Variants in ADD3 observed in about 807,000 individuals in gnomAD.
ADD3 encodes gamma-adducin.
ADD3 carries 25 observed loss-of-function variants against 80.2 expected under a neutral mutation model. The observed-to-expected ratio is 0.31, with a 90% confidence interval of 0.23 to 0.44. The LOEUF (loss-of-function observed/expected upper bound fraction) is 0.44. ADD3 is among the 20% of genes least tolerant of loss of function. The probability of loss-of-function intolerance (pLI) is 1.00; values close to 1 mark genes in which losing one functional copy is unlikely to be tolerated. For missense variants in ADD3, 829 were observed against 847.5 expected, an observed-to-expected ratio of 0.98 and a Z score of 0.27; for synonymous variants, 284 against 289.6, an observed-to-expected ratio of 0.98 and a Z score of 0.20.
chr10:110,004,872 G>C (rs997797148), upstream of ADD3, among the ~76,000 whole-genome samples: 1 of 152,038 alleles, frequency 6.6e-6, no homozygotes, highest in African/African-American at 2.4e-5. Flanking sequence ...TTATAATGCA[G>C]ATTCTCAGGT....
chr10:110,119,234 C>T lies in ADD3; in HGVS notation c.741C>T (p.Ile247=), dbSNP rs1286966198. 1 of 1,614,126 alleles carries T rather than the reference C, an allele frequency of 6.2e-7. No homozygotes were observed. The highest frequency in any genetic ancestry group is 8.5e-7 in the Non-Finnish European group (1 of 1,179,996). Residue 247 remains isoleucine, a synonymous_variant, in exon 7 of 15, where the codon ATC becomes ATT. Transcript: ENST00000356080. ...TAAVSSMKCG[I]LPISQESLLL... is the part of the protein sequence containing the mutation. ...AGGTATCCTCCATGAAATGTGGGAT[C>T]CTTCCAATTTCTCAAGAGTCTCTTC...
At chr10:110,048,302 T>C (rs1857123292) in intron 1 of ADD3, among the ~76,000 whole-genome samples, 1 of 152,192 alleles carries the variant, frequency 6.6e-6, no homozygotes, top group South Asian at 2.1e-4. Context: ...GGGTATGTCT[T>C]TATCAGCAGC....
Position 110,135,379 on chromosome 10 carries a change from A to AT in ADD3, c.*1762dup, listed in dbSNP as rs1459904001. 1 of 152,676 alleles carries AT rather than the reference A, an allele frequency of 6.5e-6. No homozygotes were observed. Among genetic ancestry groups the AT allele is most frequent in the Non-Finnish European group, 1.5e-5 (1 of 68,052 alleles). The allele number at this position is 152,676 out of a possible 1,614,324, so 9.5% of individuals were successfully genotyped here. ...ATCTAAATGAATGCAATGTGCATAA[A>AT]TATTTTTTAAACATAACAGTGAACT... On this transcript the variant is annotated 3_prime_UTR_variant, in exon 15 of 15. Transcript: ENST00000356080.
At chr10:110,005,293 C>A (rs1851582473), upstream of ADD3, among the ~76,000 whole-genome samples, 1 of 151,148 alleles carries the variant, frequency 6.6e-6, no homozygotes. Flanking sequence ...AACTCCTGAC[C>A]TCGTGATCTA....
intron 1 of ADD3, among the ~76,000 whole-genome samples, chr10:110,041,220 G>A (rs1029385840): frequency 6.6e-6 from 1 of 152,226 alleles, no homozygotes; most frequent in Non-Finnish European, 1.5e-5. Flanking sequence ...AGTTTGACAG[G>A]ACTGTAAATA....
chr10:110,063,018 A>G (rs1307599272), intron 1 of ADD3, among the ~76,000 whole-genome samples: 1 of 152,122 alleles, frequency 6.6e-6, no homozygotes, highest in Non-Finnish European at 1.5e-5. Context: ...ATAATTCTTA[A>G]TTATTTGTTG....
chr10:110,122,191 G>A lies in ADD3; in HGVS notation c.1042G>A (p.Val348Ile), dbSNP rs1851592626. The A allele has an allele frequency of 6.2e-7, 1 of 1,614,162 alleles. No individual in the cohort carries two copies. Reference protein sequence around the residue: ...FQKYKAFTYTVAASGGGGVNM... With the variant: ...FQKYKAFTYTIAASGGGGVNM... ...GAAGTATAAAGCTTTCACTTACACT[G>A]TAGCAGCGTCTGGTGGAGGAGGTGT... is the stretch of plus-strand genomic sequence containing the variant. Residue 348 changes from valine (V) to isoleucine (I), a missense_variant, in exon 9 of 15, where the codon GTA becomes ATA. Val to Ile is a conservative substitution (Grantham distance 29, BLOSUM62 3). Transcript: ENST00000356080.
At chr10:110,082,285 C>T (rs1354579473) in intron 1 of ADD3, among the ~76,000 whole-genome samples, 3 of 151,718 alleles carry the variant, frequency 2.0e-5, no homozygotes, top group African/African-American at 7.3e-5. Flanking sequence ...CCATCAGTAA[C>T]TGTTGGGCAT....
At chr10:110,125,529 T>G (rs1852040882) in intron 10 of ADD3, among the ~76,000 whole-genome samples, 5 of 152,162 alleles carry the variant, frequency 3.3e-5, no homozygotes, top group Admixed American at 3.3e-4. Flanking sequence ...GAGATCATGC[T>G]CTCTGTGCTT....
intron 13 of ADD3, among the ~76,000 whole-genome samples, 153 bp from the exon 14 acceptor site, chr10:110,132,152 A>G (rs973996116): frequency 3.3e-5 from 5 of 152,238 alleles, no homozygotes; most frequent in African/African-American, 1.2e-4. Flanking sequence ...ATAATTATGG[A>G]TATATGGGAT....
At chr10:110,063,381 A>C (rs549907213) in intron 1 of ADD3, among the ~76,000 whole-genome samples, 15 of 152,200 alleles carry the variant, frequency 9.9e-5, no homozygotes, top group Admixed American at 7.9e-4. Flanking sequence ...GAATTTCTTT[A>C]TTTATTATGC....
At position 110,045,375 on chromosome 10, in the gene ADD3, C is replaced by T. The variant is rs567537557; in HGVS notation, c.-30+37076C>T. Reference sequence around the variant, plus strand: ...TCTCAAAAAAAAAAAGAGAAAGTACCTATGGTGAAAGAATAGAATGGTTTT... The same window carrying T: ...TCTCAAAAAAAAAAAGAGAAAGTACTTATGGTGAAAGAATAGAATGGTTTT... On this transcript the variant is annotated intron_variant, in intron 1 of 14. Transcript: ENST00000356080. 2.0e-5 allele frequency among the ~76,000 whole-genome samples: 3 copies of T among 152,120 alleles called. No individual in the cohort carries two copies. The South Asian group carries it at 6.2e-4, about 32-fold the overall frequency.
chr10:110,100,997 G>A, intron 2 of ADD3, 149 bp downstream of exon 2: 1 of 639,038 alleles, frequency 1.6e-6, no homozygotes. Context: ...AGGAGAAATG[G>A]ACATCTAATT....
chr10:110,063,335 T>G (rs1843433915), intron 1 of ADD3, among the ~76,000 whole-genome samples: 1 of 152,132 alleles, frequency 6.6e-6, no homozygotes, highest in Admixed American at 6.5e-5. Context: ...AGAAGCGGAG[T>G]TAAGTAGTGT....
At chr10:110,102,483 T>G (rs1284036491) in intron 2 of ADD3, among the ~76,000 whole-genome samples, 16 of 151,984 alleles carry the variant, frequency 1.1e-4, no homozygotes, top group Admixed American at 1.0e-3. Context: ...GTGGTGTGAG[T>G]CCGTAGTCTC....
intron 1 of ADD3, among the ~76,000 whole-genome samples, chr10:110,072,341 A>G (rs1844829675): frequency 6.6e-6 from 1 of 152,208 alleles, no homozygotes; most frequent in South Asian, 2.1e-4. Context: ...CTGGGATTAC[A>G]GGCGTGAGCC....
intron 3 of ADD3, among the ~76,000 whole-genome samples, 180 bp downstream of exon 3, chr10:110,113,095 T>C (rs1333677939): frequency 1.3e-5 from 2 of 152,120 alleles, no homozygotes; most frequent in Non-Finnish European, 2.9e-5. Flanking sequence ...TACTACACTT[T>C]GTACAGATTA....
rs186028304 is a variant in ADD3, at chr10:110,090,657, A to G, written c.-29-9968A>G. On this transcript the variant is annotated intron_variant, in intron 1 of 14. Coordinates refer to ENST00000356080, the MANE Select transcript of ADD3 (RefSeq NM_016824.5). The stretch of plus-strand genomic sequence containing the variant: ...GTTTGCCAAGAGTTTATATTAATTC[A>G]TATTATATTTTTATTTGTAAAACAA... 3.3e-4 allele frequency among the ~76,000 whole-genome samples: 50 copies of G among 152,304 alleles called. 1 individual carries two copies. Among genetic ancestry groups the G allele is most frequent in the East Asian group, 2.5e-3 (13 of 5,190 alleles).
intron 1 of ADD3, among the ~76,000 whole-genome samples, chr10:110,089,235 T>C (rs1470291708): frequency 2.0e-5 from 3 of 152,146 alleles, no homozygotes; most frequent in Non-Finnish European, 4.4e-5. Flanking sequence ...ACTTACGGTA[T>C]CTCCTGAAAT....
Sources: allele counts gnomAD v4.1 joint callset (sites outside exome capture counted in the v4.1 genomes callset), GRCh38; gene constraint gnomAD v4.1.1; transcripts MANE v1.5; gene names NCBI Gene and HGNC (gene_info 2026-07-23, HGNC 2026-07-21).